The following CLSTN2 variants were observed in gnomAD, a reference collection of about 807,000 sequenced individuals.
CLSTN2 encodes calsyntenin 2, also known as calsyntenin-2.
CLSTN2 carries 48 observed loss-of-function variants against 101.2 expected under a neutral mutation model. The ratio of observed to expected loss-of-function variants is 0.47; its 90% CI spans 0.38 to 0.60. The LOEUF (loss-of-function observed/expected upper bound fraction) is 0.60, where lower values mean the gene tolerates loss of function less well. Among genes scored for constraint, CLSTN2 ranks in the 20% least tolerant of loss-of-function variants. The probability of loss-of-function intolerance (pLI) is 0.00; values close to 1 mark genes in which losing one functional copy is unlikely to be tolerated. For missense variants in CLSTN2, 1,160 were observed against 1,238.2 expected, an observed-to-expected ratio of 0.94 and a Z score of 0.95; for synonymous variants, 481 against 463.6, an observed-to-expected ratio of 1.04 and a Z score of -0.48.
chr3:139,968,486 G>C (rs976936804), intron 1 of CLSTN2, among the ~76,000 whole-genome samples: 11 of 152,118 alleles, frequency 7.2e-5, no homozygotes, highest in African/African-American at 2.7e-4. Context: ...CTACTCTTTT[G>C]TCATGTGAGA....
chr3:140,129,648 T>G (rs2009492466), intron 1 of CLSTN2, among the ~76,000 whole-genome samples: 1 of 152,192 alleles, frequency 6.6e-6, no homozygotes, highest in African/African-American at 2.4e-5. Flanking sequence ...TAGCAACCCC[T>G]TGGTTCACCC....
intron 2 of CLSTN2, among the ~76,000 whole-genome samples, chr3:140,322,221 G>A (rs138178339): frequency 6.6e-6 from 1 of 152,326 alleles, no homozygotes; most frequent in African/African-American, 2.4e-5. Context: ...CAGGTGGCCT[G>A]GCCCAGCATC....
chr3:140,369,384 G>T (rs1332796820), intron 2 of CLSTN2, among the ~76,000 whole-genome samples: 2 of 152,138 alleles, frequency 1.3e-5, no homozygotes, highest in Non-Finnish European at 1.5e-5. Flanking sequence ...TTCATTGCAG[G>T]CAACAGAGGG....
chr3:140,432,285 G>C (rs1576564464), intron 5 of CLSTN2, among the ~76,000 whole-genome samples: 1 of 152,318 alleles, frequency 6.6e-6, no homozygotes, highest in Non-Finnish European at 1.5e-5. Context: ...ATGAGGACCA[G>C]CTGCAAGGCT....
intron 1 of CLSTN2, among the ~76,000 whole-genome samples, chr3:140,043,036 G>C (rs1328473110): frequency 2.0e-5 from 3 of 152,084 alleles, no homozygotes; most frequent in Non-Finnish European, 4.4e-5. Flanking sequence ...TGGGTATATA[G>C]CCAGTAATGG....
intron 1 of CLSTN2, among the ~76,000 whole-genome samples, chr3:140,127,381 T>A (rs1456165222): frequency 6.6e-6 from 1 of 152,190 alleles, no homozygotes; most frequent in Non-Finnish European, 1.5e-5. Context: ...ATTCTGAGAA[T>A]AGGCCTAACG....
chr3:140,157,151 C>G (rs1015805153), intron 1 of CLSTN2, among the ~76,000 whole-genome samples: 1 of 151,898 alleles, frequency 6.6e-6, no homozygotes, highest in Non-Finnish European at 1.5e-5. Context: ...AGATTGCTAG[C>G]ATTTTGTTGA....
At chr3:140,433,563 C>T (rs2088658735) in intron 5 of CLSTN2, among the ~76,000 whole-genome samples, 1 of 152,208 alleles carries the variant, frequency 6.6e-6, no homozygotes, top group African/African-American at 2.4e-5. Context: ...GCAGAGGATA[C>T]AGCTTCAGAG....
intron 2 of CLSTN2, among the ~76,000 whole-genome samples, chr3:140,209,454 G>A (rs927819858): frequency 2.6e-5 from 4 of 152,106 alleles, no homozygotes; most frequent in African/African-American, 4.8e-5. Context: ...AGATAGCTGC[G>A]AGATAGCACT....
chr3:140,283,447 A>T (rs2086866908), intron 2 of CLSTN2, among the ~76,000 whole-genome samples: 1 of 152,072 alleles, frequency 6.6e-6, no homozygotes, highest in Admixed American at 6.5e-5. Context: ...CTTCCCTTTT[A>T]TCCTGTAAAC....
intron 2 of CLSTN2, among the ~76,000 whole-genome samples, chr3:140,287,739 A>G (rs1213906587): frequency 6.6e-6 from 1 of 152,172 alleles, no homozygotes; most frequent in African/African-American, 2.4e-5. Context: ...TTCTGAACAG[A>G]GGCTCAGAGA....
intron 8 of CLSTN2, 77 bp from the exon 9 acceptor site, chr3:140,532,247 C>A: frequency 7.9e-7 from 1 of 1,265,210 alleles, no homozygotes; most frequent in Non-Finnish European, 1.1e-6. Flanking sequence ...TGTTGTTCTC[C>A]TTTCATAGAG....
chr3:140,414,992 A>G (rs1383955516), intron 4 of CLSTN2, among the ~76,000 whole-genome samples: 1 of 152,148 alleles, frequency 6.6e-6, no homozygotes, highest in Non-Finnish European at 1.5e-5. Flanking sequence ...ACAGACACAT[A>G]GACCAATGGA....
chr3:140,168,035 C>T (rs376445782), intron 1 of CLSTN2, among the ~76,000 whole-genome samples: 9 of 152,210 alleles, frequency 5.9e-5, no homozygotes, highest in East Asian at 1.9e-4. Flanking sequence ...ACAAGTCTTT[C>T]GTGTAATTTA....
At chr3:140,374,396 A>T (rs983137300) in intron 2 of CLSTN2, among the ~76,000 whole-genome samples, 2 of 152,046 alleles carry the variant, frequency 1.3e-5, no homozygotes, top group Non-Finnish European at 2.9e-5. Flanking sequence ...CAAGTTCCAC[A>T]TCCTGCCTGG....
intron 1 of CLSTN2, among the ~76,000 whole-genome samples, chr3:140,101,408 A>G (rs2008962714): frequency 6.6e-6 from 1 of 152,220 alleles, no homozygotes; most frequent in Non-Finnish European, 1.5e-5. Flanking sequence ...ATTCAGGAAA[A>G]GCTGAACCAC....
intron 1 of CLSTN2, among the ~76,000 whole-genome samples, chr3:140,113,076 T>G (rs1385456683): frequency 6.6e-6 from 1 of 152,146 alleles, no homozygotes; most frequent in Non-Finnish European, 1.5e-5. Context: ...TTAAATACTC[T>G]GATTGGTTTT....
chr3:140,517,410 A>G (rs926540297), intron 8 of CLSTN2, among the ~76,000 whole-genome samples: 9 of 152,158 alleles, frequency 5.9e-5, no homozygotes, highest in African/African-American at 1.9e-4. Context: ...TTATGTTACC[A>G]GAATTGTTTT....
intron 1 of CLSTN2, among the ~76,000 whole-genome samples, chr3:139,938,194 G>C (rs989043686): frequency 6.8e-6 from 1 of 147,458 alleles, no homozygotes; most frequent in African/African-American, 2.5e-5. Flanking sequence ...CAAAAAACCA[G>C]ATACTTCTTT....
Sources: gnomAD v4.1 joint callset for allele counts (sites outside exome capture counted in the v4.1 genomes callset) on GRCh38, gnomAD v4.1.1 for gene constraint, MANE v1.5 for transcripts, NCBI Gene and HGNC (gene_info 2026-07-23, HGNC 2026-07-21) for gene names.